SHROOM2: variants seen among roughly 807,000 people sequenced by gnomAD.
The protein encoded by SHROOM2 is shroom family member 2.
A neutral mutation model predicts 75.9 loss-of-function variants in SHROOM2; 33 were observed. The observed-to-expected ratio is 0.43, with a 90% CI of 0.33 to 0.58. SHROOM2 has a LOEUF of 0.58. Ranked by LOEUF, SHROOM2 falls within the 20% of genes least tolerant of loss-of-function variation. The pLI is 0.04. For missense variants in SHROOM2, 1,434 were observed against 1,461.2 expected, an observed-to-expected ratio of 0.98 and a Z score of 0.30; for synonymous variants, 655 against 663.6, an observed-to-expected ratio of 0.99 and a Z score of 0.20.
intron 1 of SHROOM2, among the ~76,000 whole-genome samples, chrX:9,808,680 G>A (rs1277446359): frequency 9.0e-6 from 1 of 110,571 alleles, no homozygotes; most frequent in Admixed American, 9.7e-5. Flanking sequence ...TGGCCAACGT[G>A]GTGAAACCCT....
rs1277649527 is a variant in SHROOM2 at position 9,806,400 on chromosome X, T to A, written c.165+19690T>A. On this transcript the variant is annotated intron_variant, in intron 1 of 9. Transcript: ENST00000380913. ...ATTTACTATATAATATTAATATATA[T>A]AAAATAATCAAATACATCAAGTTAA... Among the ~76,000 whole-genome samples, 3 of 109,253 alleles carry A rather than the reference T, an allele frequency of 2.7e-5. No homozygotes were observed. In the Admixed American group the frequency reaches 3.0e-4, roughly 11 times the overall value. 94.9% of individuals were successfully genotyped at this position (109,253 alleles called of 115,157 possible). A position where few individuals can be genotyped will look rare whatever the true frequency, so the allele number is the denominator to read the frequency against.
intron 1 of SHROOM2, among the ~76,000 whole-genome samples, chrX:9,834,684 A>AT (rs1319970895): frequency 9.1e-6 from 1 of 110,149 alleles, no homozygotes; most frequent in Non-Finnish European, 1.9e-5. Context: ...AAAAAGTAAA[A>AT]AAAAAAGAAA....
At position 9,898,650 on chromosome X, in the gene SHROOM2, G is replaced by A. The variant is rs763638039; in HGVS notation, c.2891+360G>A. Among the ~76,000 whole-genome samples the A allele has an allele frequency of 4.4e-5, 5 of 112,666 alleles. No homozygotes were observed. In the South Asian group the frequency reaches 1.8e-3, roughly 41 times the overall value. On this transcript the variant is annotated intron_variant, in intron 5 of 9. Transcript: ENST00000380913. ...CACGCTTTGCACAGAGCGCCTTATG[G>A]AAGGGCAGCTTTAGCTATCTAGCAC... is the stretch of plus-strand genomic sequence containing the variant.
intron 1 of SHROOM2, among the ~76,000 whole-genome samples, chrX:9,829,770 G>A (rs146516725): frequency 3.6e-5 from 4 of 111,555 alleles, no homozygotes; most frequent in African/African-American, 6.5e-5. Context: ...CACACCTGCC[G>A]GTTGCGGCAG....
chrX:9,813,741 C>T (rs2083804058), intron 1 of SHROOM2, among the ~76,000 whole-genome samples: 1 of 111,742 alleles, frequency 8.9e-6, no homozygotes, highest in South Asian at 3.8e-4. Context: ...AGTAGGAAGG[C>T]AGTAGGCTTC....
chrX:9,894,845 T>A lies in SHROOM2; in HGVS notation c.937T>A (p.Ser313Thr), dbSNP rs910030933. The change falls in exon 4 of 10, where the codon TCC becomes ACC. Residue 313 changes from serine (S) to threonine (T), a missense_variant. By Grantham distance (58) the Ser-to-Thr change is moderately conservative. This residue lies in a region of SHROOM2 where 1,340 missense variants were observed against 1,338.3 expected (regional missense o/e 1.00). Coordinates refer to ENST00000380913, the MANE Select transcript of SHROOM2 (RefSeq NM_001649.4). ...YVPDKKKAPS[S>T]PPPPPPPLRS... ...TCCCGATAAGAAGAAAGCACCATCA[T>A]CCCCACCTCCTCCCCCTCCCCCTCT... The A allele has an allele frequency of 1.7e-6, 2 of 1,209,225 alleles. No homozygotes were observed. The highest frequency in any genetic ancestry group is 2.2e-6 in the Non-Finnish European group (2 of 894,800).
chrX:9,792,249 T>C (rs918809725), intron 1 of SHROOM2, among the ~76,000 whole-genome samples: 1 of 110,997 alleles, frequency 9.0e-6, no homozygotes, highest in African/African-American at 3.3e-5. Flanking sequence ...TGTCCTGTAG[T>C]AGAGCCAGCC....
intron 1 of SHROOM2, among the ~76,000 whole-genome samples, chrX:9,827,469 G>T (rs2083894201): frequency 9.2e-6 from 1 of 109,142 alleles, no homozygotes; most frequent in African/African-American, 3.3e-5. Flanking sequence ...AGTCCCCCCG[G>T]CCAGGGGCCT....
chrX:9,895,920 C>T lies in SHROOM2; in HGVS notation c.2012C>T (p.Thr671Ile), dbSNP rs1407149899. 1 of 1,195,498 alleles carries T rather than the reference C, an allele frequency of 8.4e-7. No homozygotes were observed. The highest frequency in any genetic ancestry group is 1.8e-5 in the South Asian group (1 of 54,476). ...TGGAGGGCCGGGTTGGGAGGTGGCA[C>T]CCAGGAAGGACCCCTCGCTGGCACC... is the stretch of plus-strand genomic sequence containing the variant. The part of the protein sequence containing the change: ...GRWRAGLGGG[T>I]QEGPLAGTYK... Residue 671 changes from threonine (T) to isoleucine (I), a missense_variant, in exon 4 of 10, where the codon ACC (threonine) becomes ATC (isoleucine). By Grantham distance (89) the Thr-to-Ile change is moderately conservative (BLOSUM62 -1). Around this residue, in one of 3 missense-constraint regions of SHROOM2, gnomAD observed 1,340 missense variants for 1,338.3 expected, o/e 1.00. Coordinates refer to ENST00000380913, the MANE Select transcript of SHROOM2 (RefSeq NM_001649.4).
At chrX:9,853,444 G>A (rs1265188869) in intron 1 of SHROOM2, among the ~76,000 whole-genome samples, 3 of 112,516 alleles carry the variant, frequency 2.7e-5, no homozygotes, top group Non-Finnish European at 3.8e-5. Flanking sequence ...GAGGCCTGGA[G>A]GCCAGAAGTC....
intron 6 of SHROOM2, among the ~76,000 whole-genome samples, chrX:9,936,491 C>T (rs1018589545): frequency 8.9e-5 from 10 of 111,876 alleles, no homozygotes; most frequent in African/African-American, 3.3e-4. Flanking sequence ...ACTGCGAGAT[C>T]GTATCTCACT....
At chrX:9,868,000 G>A (rs993564679) in intron 1 of SHROOM2, among the ~76,000 whole-genome samples, 1 of 110,010 alleles carries the variant, frequency 9.1e-6, no homozygotes, top group Non-Finnish European at 1.9e-5. Flanking sequence ...GCTTACACAC[G>A]TGCTTGTGGG....
intron 5 of SHROOM2, among the ~76,000 whole-genome samples, chrX:9,930,785 C>G (rs1370688699): frequency 2.7e-5 from 3 of 110,809 alleles, no homozygotes; most frequent in African/African-American, 9.9e-5. Context: ...CTTTGTCACC[C>G]AGGCTGGAGT....
chrX:9,889,251 G>A (rs948736535), intron 2 of SHROOM2, among the ~76,000 whole-genome samples: 5 of 112,178 alleles, frequency 4.5e-5, no homozygotes, highest in Middle Eastern at 4.2e-3. Context: ...ACTTTTCCTC[G>A]TTAAAATGAT....
chrX:9,873,052 C>A (rs1176151015), intron 1 of SHROOM2, among the ~76,000 whole-genome samples: 1 of 111,946 alleles, frequency 8.9e-6, no homozygotes, highest in East Asian at 2.8e-4. Flanking sequence ...TTGTATTACT[C>A]CATTTATGTG....
chrX:9,878,513 A>T (rs2084213384), intron 2 of SHROOM2, among the ~76,000 whole-genome samples: 1 of 111,852 alleles, frequency 8.9e-6, no homozygotes, highest in African/African-American at 3.2e-5. Flanking sequence ...GTTTCTTACA[A>T]CATGCGTCCC....
At chrX:9,943,904 A>G (rs2084793715) in intron 8 of SHROOM2, among the ~76,000 whole-genome samples, 1 of 110,155 alleles carries the variant, frequency 9.1e-6, no homozygotes, top group Non-Finnish European at 1.9e-5. Context: ...TTGCTAGGCC[A>G]GGCCCGGTGG....
In SHROOM2 at chrX:9,946,856, G is replaced by A; in HGVS notation, c.4770G>A (p.Arg1590=). 8.3e-7 allele frequency: 1 copy of A among 1,198,262 alleles called. No individual in the cohort carries two copies. Among genetic ancestry groups the A allele is most frequent in the Non-Finnish European group, 1.1e-6 (1 of 888,211 alleles). Residue 1590 remains arginine (R), a synonymous_variant, in exon 10 of 10, where the codon CGG becomes CGA. Coordinates refer to ENST00000380913, the MANE Select transcript of SHROOM2 (RefSeq NM_001649.4). The stretch of plus-strand genomic sequence containing the variant: ...AGTCGGCCCTCATCATCGAGCAGCG[G>A]GAGCTGGAAGATAAAATCCACCTTG... The part of the protein sequence containing the change: ...KMKSALIIEQ[R]ELEDKIHLGE...
chrX:9,929,421 G>A (rs1296659271), intron 5 of SHROOM2, among the ~76,000 whole-genome samples: 2 of 111,439 alleles, frequency 1.8e-5, no homozygotes, highest in Non-Finnish European at 3.8e-5. Context: ...CCTGAGAACA[G>A]AGCACCCAGC....
Sources: gnomAD v4.1 joint callset for allele counts (sites outside exome capture counted in the v4.1 genomes callset) on GRCh38, gnomAD v4.1.1 for gene constraint, gnomAD v4.1.1 regional missense constraint, MANE v1.5 for transcripts, NCBI Gene and HGNC (gene_info 2026-07-23, HGNC 2026-07-21) for gene names.